Variants in AGBL3 observed in about 807,000 individuals in gnomAD.
The protein encoded by AGBL3 is AGBL carboxypeptidase 3.
A neutral mutation model predicts 94.5 loss-of-function variants in AGBL3; 68 were observed. The ratio of observed to expected loss-of-function variants is 0.72; its 90% CI spans 0.59 to 0.88. The LOEUF (loss-of-function observed/expected upper bound fraction) is 0.88. AGBL3 is among the 40% of genes least tolerant of loss of function. AGBL3 has a pLI of 0.00. For synonymous variants in AGBL3, 354 were observed against 370.7 expected (o/e 0.95, Z 0.52); for missense variants, 934 against 1,103.8 (o/e 0.85, Z 2.18).
chr7:135,124,640 A>G (rs759920011), intron 16 of AGBL3, among the ~76,000 whole-genome samples: 7 of 152,312 alleles, frequency 4.6e-5, no homozygotes, highest in Non-Finnish European at 1.0e-4. Flanking sequence ...CTGACCACAT[A>G]ATTGGAAGTA....
chr7:135,020,530 A>G (rs1220525629), intron 5 of AGBL3, among the ~76,000 whole-genome samples: 1 of 152,160 alleles, frequency 6.6e-6, no homozygotes, highest in Non-Finnish European at 1.5e-5. Flanking sequence ...AACTAGAAAT[A>G]CCATTTGACC....
chr7:135,033,804 T>C (rs1398791738), intron 6 of AGBL3, among the ~76,000 whole-genome samples: 1 of 152,174 alleles, frequency 6.6e-6, no homozygotes, highest in African/African-American at 2.4e-5. Flanking sequence ...AAAAGAAATG[T>C]TGGACTTTGC....
At chr7:135,013,436 C>T (rs950940905) in intron 4 of AGBL3, among the ~76,000 whole-genome samples, 1 of 152,122 alleles carries the variant, frequency 6.6e-6, no homozygotes, top group African/African-American at 2.4e-5. Flanking sequence ...ATTATGTCCA[C>T]TAATGGTCAA....
rs544952761 is a variant in AGBL3, at chr7:135,037,563, A to G, written c.1483A>G (p.Lys495Glu). The change falls in exon 8 of 17, where the codon AAA (lysine) becomes GAA (glutamate). Residue 495 changes from lysine (K) to glutamate (E), a missense_variant. Lys to Glu is a moderately conservative substitution (Grantham distance 56). Around this residue, in one of 3 missense-constraint regions of AGBL3, gnomAD observed 441 missense variants for 518.2 expected, o/e 0.85. Coordinates refer to ENST00000436302, the MANE Select transcript of AGBL3 (RefSeq NM_178563.4). ...QQRIFPLMLS[K>E]NCPDKFSFSA... Reference sequence around the variant, plus strand: ...ACGAATCTTCCCACTTATGCTAAGCAAAAATTGTCCAGATAAAGTAAGCAC... The same window carrying G: ...ACGAATCTTCCCACTTATGCTAAGCGAAAATTGTCCAGATAAAGTAAGCAC... 39 of 1,539,768 alleles carry G rather than the reference A, an allele frequency of 2.5e-5. No homozygotes were observed. In the South Asian group the frequency reaches 4.5e-4, roughly 18 times the overall value.
At chr7:135,049,310 T>C (rs556970882) in intron 11 of AGBL3, among the ~76,000 whole-genome samples, 3 of 152,098 alleles carry the variant, frequency 2.0e-5, no homozygotes, top group Admixed American at 6.6e-5. Flanking sequence ...TAATGTGTTG[T>C]TACATTTAGT....
At chr7:135,075,874 T>C (rs1449089969) in intron 12 of AGBL3, among the ~76,000 whole-genome samples, 3 of 152,356 alleles carry the variant, frequency 2.0e-5, no homozygotes, top group East Asian at 3.9e-4. Context: ...GGCCCCCTGC[T>C]TAGCCTTCAC....
chr7:135,074,258 G>A (rs192867798), intron 12 of AGBL3, among the ~76,000 whole-genome samples: 41 of 152,156 alleles, frequency 2.7e-4, no homozygotes, highest in African/African-American at 9.4e-4. Context: ...ATTCTTATCA[G>A]GCTGGTTTAG....
chr7:135,050,465 T>C (rs953306762), intron 11 of AGBL3, among the ~76,000 whole-genome samples: 6 of 151,974 alleles, frequency 3.9e-5, no homozygotes, highest in Non-Finnish European at 8.8e-5. Flanking sequence ...TATTCTATTA[T>C]TGAAATGAGG....
chr7:135,034,119 G>A, intron 6 of AGBL3, 30 bp from the exon 7 acceptor site: 1 of 1,367,242 alleles, frequency 7.3e-7, no homozygotes, highest in East Asian at 2.7e-5. Context: ...ATTCTTACGT[G>A]CTTTTTTCCC....
At chr7:134,997,647 A>G (rs889313208) in intron 4 of AGBL3, among the ~76,000 whole-genome samples, 2 of 152,280 alleles carry the variant, frequency 1.3e-5, no homozygotes, top group Non-Finnish European at 2.9e-5. Context: ...CAATAAATCA[A>G]TTGTTAGCAT....
intron 16 of AGBL3, among the ~76,000 whole-genome samples, chr7:135,124,922 G>A (rs1827651764): frequency 1.3e-5 from 2 of 152,158 alleles, no homozygotes; most frequent in African/African-American, 4.8e-5. Flanking sequence ...GAAATTTATG[G>A]CACTAAACAC....
At chr7:135,012,805 C>T (rs2133469984) in intron 4 of AGBL3, among the ~76,000 whole-genome samples, 1 of 152,076 alleles carries the variant, frequency 6.6e-6, no homozygotes, top group Non-Finnish European at 1.5e-5. Context: ...AGATCATAGA[C>T]CTAAACGAAG....
At chr7:135,057,126 G>C (rs1008419830) in intron 11 of AGBL3, among the ~76,000 whole-genome samples, 2 of 151,980 alleles carry the variant, frequency 1.3e-5, no homozygotes, top group African/African-American at 4.8e-5. Context: ...TTTGAAAAAA[G>C]AGCAACAAAA....
At chr7:135,096,767 G>GAAAGAAAGAA (rs1186369212) in intron 15 of AGBL3, among the ~76,000 whole-genome samples, 1 of 146,786 alleles carries the variant, frequency 6.8e-6, no homozygotes, top group Non-Finnish European at 1.5e-5. Context: ...AAGAAAGAAA[G>GAAAGAAAGAA]AAAGAAAGAA....
At chr7:135,072,907 G>A (rs1467657486) in intron 12 of AGBL3, among the ~76,000 whole-genome samples, 2 of 151,140 alleles carry the variant, frequency 1.3e-5, no homozygotes, top group East Asian at 3.9e-4. Flanking sequence ...AAAACTTAAA[G>A]TATAATAAAA....
At chr7:135,018,424 A>T (rs1334588751) in intron 5 of AGBL3, among the ~76,000 whole-genome samples, 3 of 152,336 alleles carry the variant, frequency 2.0e-5, no homozygotes, top group African/African-American at 4.8e-5. Context: ...GTCAATACAG[A>T]TCAGCCTCTT....
chr7:135,002,528 C>G (rs1053451106), intron 4 of AGBL3, among the ~76,000 whole-genome samples: 1 of 152,052 alleles, frequency 6.6e-6, no homozygotes, highest in South Asian at 2.1e-4. Context: ...TGGCCCAGAG[C>G]CCCCCACCAC....
At chr7:135,108,414 C>T (rs761372058) in intron 15 of AGBL3, among the ~76,000 whole-genome samples, 15 of 152,276 alleles carry the variant, frequency 9.9e-5, no homozygotes, top group Non-Finnish European at 2.1e-4. Flanking sequence ...GTAATGAACT[C>T]CCTCAGCATT....
At chr7:135,075,043 A>G (rs1820320909) in intron 12 of AGBL3, among the ~76,000 whole-genome samples, 1 of 152,240 alleles carries the variant, frequency 6.6e-6, no homozygotes, top group Non-Finnish European at 1.5e-5. Flanking sequence ...GTTGTAAGAA[A>G]TAATTCAGAG....
Sources: allele counts gnomAD v4.1 joint callset (sites outside exome capture counted in the v4.1 genomes callset), GRCh38; gene constraint gnomAD v4.1.1; regional missense constraint gnomAD v4.1.1; transcripts MANE v1.5; gene names NCBI Gene and HGNC (gene_info 2026-07-23, HGNC 2026-07-21).